The following SRRM4 variants were observed in gnomAD, a reference collection of about 807,000 sequenced individuals.
The protein encoded by SRRM4 is serine/arginine repetitive matrix protein 4.
SRRM4 carries 33 observed loss-of-function variants against 68.9 expected under a neutral mutation model. The ratio of observed to expected loss-of-function variants is 0.48; its 90% CI spans 0.36 to 0.64. The LOEUF (loss-of-function observed/expected upper bound fraction) is 0.64. SRRM4 is among the 30% of genes least tolerant of loss of function. SRRM4 has a pLI of 0.00. For missense variants in SRRM4, 817 were observed against 827.1 expected (o/e 0.99, Z 0.15); for synonymous variants, 318 against 318.8 (o/e 1.00, Z 0.03).
intron 1 of SRRM4, among the ~76,000 whole-genome samples, chr12:119,081,751 G>A (rs553078373): frequency 2.8e-4 from 43 of 152,342 alleles, no homozygotes; most frequent in African/African-American, 8.7e-4. Flanking sequence ...GGACCAGGGC[G>A]CTAGCCATGT....
intron 1 of SRRM4, among the ~76,000 whole-genome samples, chr12:119,004,337 C>G (rs562472839): frequency 3.0e-4 from 45 of 152,106 alleles, no homozygotes; most frequent in African/African-American, 1.1e-3. Flanking sequence ...TTCATAAGAA[C>G]ATCTGATTCC....
chr12:119,016,835 C>T (rs914017336), intron 1 of SRRM4, among the ~76,000 whole-genome samples: 4 of 152,214 alleles, frequency 2.6e-5, no homozygotes, highest in Non-Finnish European at 5.9e-5. Flanking sequence ...ATACTGCAGA[C>T]AAGGCACGCT....
intron 1 of SRRM4, among the ~76,000 whole-genome samples, chr12:119,077,405 G>A (rs187414175): frequency 2.1e-4 from 31 of 149,642 alleles, no homozygotes; most frequent in Admixed American, 1.8e-3. Flanking sequence ...GCTCTATCAT[G>A]TACCAGCTGT....
chr12:119,134,716 G>A (rs1954317791), intron 8 of SRRM4, among the ~76,000 whole-genome samples: 1 of 152,168 alleles, frequency 6.6e-6, no homozygotes, highest in Non-Finnish European at 1.5e-5. Context: ...TTCCTCTGTG[G>A]TGGGGCAGTA....
chr12:119,040,954 A>G (rs1953664763), intron 1 of SRRM4, among the ~76,000 whole-genome samples: 1 of 151,532 alleles, frequency 6.6e-6, no homozygotes, highest in South Asian at 2.1e-4. Flanking sequence ...GTGGGGTTTC[A>G]CCATGCTGGC....
intron 1 of SRRM4, among the ~76,000 whole-genome samples, chr12:119,080,320 A>T (rs1953940463): frequency 6.6e-6 from 1 of 151,108 alleles, no homozygotes; most frequent in East Asian, 1.9e-4. Flanking sequence ...CATTGTGGTG[A>T]GCACTAAATT....
chr12:119,078,041 TG>T (rs34761138), intron 1 of SRRM4, among the ~76,000 whole-genome samples: 86,860 of 151,948 alleles, frequency 0.57, 25,817 homozygotes, highest in Middle Eastern at 0.76. Context: ...TCTTATTCAC[TG>T]GGTCTGCCTG....
chr12:119,041,375 C>T (rs377215757), intron 1 of SRRM4, among the ~76,000 whole-genome samples: 98 of 152,284 alleles, frequency 6.4e-4, no homozygotes, highest in South Asian at 2.9e-3. Context: ...GATAATATGC[C>T]TTGATTAATC....
intron 7 of SRRM4, among the ~76,000 whole-genome samples, chr12:119,128,486 C>A (rs962310466): frequency 6.6e-6 from 1 of 152,216 alleles, no homozygotes; most frequent in African/African-American, 2.4e-5. Context: ...CTTTTTAACA[C>A]CCCCTTACAG....
At chr12:119,055,212 A>G (rs1169968672) in intron 1 of SRRM4, among the ~76,000 whole-genome samples, 1 of 152,124 alleles carries the variant, frequency 6.6e-6, no homozygotes, top group Non-Finnish European at 1.5e-5. Flanking sequence ...GAGGGAACAG[A>G]CTGGAGTTTC....
At chr12:119,089,166 C>T (rs531782805) in intron 1 of SRRM4, among the ~76,000 whole-genome samples, 1 of 152,204 alleles carries the variant, frequency 6.6e-6, no homozygotes, top group African/African-American at 2.4e-5. Context: ...GACCCTCTGC[C>T]CATGTGGTCG....
intron 2 of SRRM4, among the ~76,000 whole-genome samples, chr12:119,110,130 G>C (rs750288319): frequency 1.9e-4 from 29 of 152,228 alleles, no homozygotes; most frequent in Non-Finnish European, 3.5e-4. Context: ...AGCGGAGGCT[G>C]CAGAACAGCA....
chr12:118,986,908 A>T (rs1309069801), intron 1 of SRRM4, among the ~76,000 whole-genome samples: 3 of 151,948 alleles, frequency 2.0e-5, no homozygotes, highest in Non-Finnish European at 4.4e-5. Flanking sequence ...TAAAAAAAAA[A>T]TCTGTTTTTT....
chr12:119,099,378 C>A (rs1373597760), intron 1 of SRRM4, among the ~76,000 whole-genome samples: 2 of 152,146 alleles, frequency 1.3e-5, no homozygotes, highest in Non-Finnish European at 2.9e-5. Context: ...AAGTTATCCA[C>A]TTGCCTCGGC....
At chr12:119,084,578 T>C (rs1953968364) in intron 1 of SRRM4, among the ~76,000 whole-genome samples, 1 of 152,204 alleles carries the variant, frequency 6.6e-6, no homozygotes, top group Non-Finnish European at 1.5e-5. Context: ...CTTGCTGGCT[T>C]GATTGGGCTA....
chr12:119,127,429 T>C (rs1239107797), intron 7 of SRRM4, among the ~76,000 whole-genome samples: 1 of 151,980 alleles, frequency 6.6e-6, no homozygotes, highest in Admixed American at 6.6e-5. Context: ...AGAATATCTA[T>C]AGGAAAAGGG....
Position 119,156,601 on chromosome 12 carries a change from C to T in SRRM4, c.1639C>T (p.Arg547Cys), listed in dbSNP as rs2555273. 134 of 1,610,816 alleles carry T rather than the reference C, an allele frequency of 8.3e-5. No homozygotes were observed. Among genetic ancestry groups the T allele is most frequent in the Non-Finnish European group, 1.1e-4 (126 of 1,179,580 alleles). ...CAGCAGCAGTAGCCGCTCGGCCAGC[C>T]GCAGCTACTCCCGGAGCCGGAGTCG... ...YSSSSSRSASRSYSRSRSRSR... is the reference protein window; with the variant it reads ...YSSSSSRSASCSYSRSRSRSR... The change falls in exon 13 of 13, where the codon CGC becomes TGC. Residue 547 changes from arginine (R) to cysteine (C), a missense_variant. Physicochemically the swap from Arg to Cys is radical, Grantham distance 180 (BLOSUM62 -3). Transcript: ENST00000267260.
At chr12:119,131,633 C>T (rs1954298773) in intron 8 of SRRM4, among the ~76,000 whole-genome samples, 1 of 152,220 alleles carries the variant, frequency 6.6e-6, no homozygotes, top group Non-Finnish European at 1.5e-5. Flanking sequence ...TCAGTCCTAG[C>T]TTGGCCACTT....
Position 119,156,769 on chromosome 12 carries a change from G to A in SRRM4, c.1807G>A (p.Ala603Thr), listed in dbSNP as rs1439798129. ...GAGCCAGAGCCGGAGCTACAGCTCA[G>A]CAGACAGCTACTCCAGCACGAGGCG... ...SRSQSRSYSS[A>T]DSYSSTRR Residue 603 changes from alanine (A) to threonine (T), a missense_variant, in exon 13 of 13, where the codon GCA becomes ACA. Ala to Thr is a moderately conservative substitution (Grantham distance 58, BLOSUM62 0). Coordinates refer to ENST00000267260, the MANE Select transcript of SRRM4 (RefSeq NM_194286.4). The A allele has an allele frequency of 9.1e-6, 14 of 1,543,010 alleles. No homozygotes were observed. The highest frequency in any genetic ancestry group is 2.0e-5 in the Admixed American group (1 of 50,856).
Sources: gnomAD v4.1 joint callset for allele counts (sites outside exome capture counted in the v4.1 genomes callset) on GRCh38, gnomAD v4.1.1 for gene constraint, MANE v1.5 for transcripts, NCBI Gene and HGNC (gene_info 2026-07-23, HGNC 2026-07-21) for gene names.